Variants in CAMKMT observed in about 807,000 individuals in gnomAD.
CAMKMT encodes calmodulin-lysine N-methyltransferase, also known as CaM KMT.
A neutral mutation model predicts 48.0 loss-of-function variants in CAMKMT; 53 were observed. That is an observed-to-expected ratio of 1.10 (90% CI 0.89 to 1.39). The LOEUF is 1.39. CAMKMT is among the 40% of genes most tolerant of loss of function. CAMKMT has a pLI of 0.00. For missense variants in CAMKMT, 428 were observed against 402.7 expected (o/e 1.06, Z -0.54); for synonymous variants, 165 against 152.3 (o/e 1.08, Z -0.61).
intron 1 of CAMKMT, among the ~76,000 whole-genome samples, chr2:44,366,425 C>G (rs1363665590): frequency 6.6e-6 from 1 of 152,120 alleles, no homozygotes; most frequent in East Asian, 1.9e-4. Flanking sequence ...TTATTCTTGA[C>G]TTTGTTTTAT....
rs374751899 is a variant in CAMKMT, at chr2:44,538,780, T to TA, written c.376+148475_376+148476insA. 1.2e-4 allele frequency among the ~76,000 whole-genome samples: 9 copies of TA among 72,528 alleles called. No homozygotes were observed. In the South Asian group the frequency reaches 1.6e-3, roughly 13 times the overall value. The allele number at this position is 72,528 out of a possible 152,430, so 47.6% of individuals were successfully genotyped here. ...CCCCCAAAGCTATTCAAATAATCAT[T>TA]TAAAAAAAGTTTTTTAGCTTCAAAC... On this transcript the variant is annotated intron_variant, in intron 3 of 10. Transcript: ENST00000378494.
intron 3 of CAMKMT, among the ~76,000 whole-genome samples, chr2:44,397,525 C>T (rs1299886982): frequency 6.6e-6 from 1 of 152,156 alleles, no homozygotes; most frequent in Non-Finnish European, 1.5e-5. Context: ...GGCAATTTCC[C>T]TAGCCATGTG....
intron 3 of CAMKMT, among the ~76,000 whole-genome samples, chr2:44,584,784 G>T (rs1377333632): frequency 1.3e-5 from 2 of 152,156 alleles, no homozygotes; most frequent in African/African-American, 2.4e-5. Flanking sequence ...GCCGGGTGCG[G>T]TGGCTCACAC....
intron 2 of CAMKMT, among the ~76,000 whole-genome samples, chr2:44,386,886 A>T (rs1680828756): frequency 6.6e-6 from 1 of 152,058 alleles, no homozygotes; most frequent in Admixed American, 6.5e-5. Context: ...AGGGTGCTTG[A>T]TATAATTCCA....
chr2:44,731,019 GA>G (rs1293424476), intron 7 of CAMKMT, among the ~76,000 whole-genome samples: 8 of 152,262 alleles, frequency 5.3e-5, no homozygotes, highest in African/African-American at 1.9e-4. Flanking sequence ...AAATACACAA[GA>G]AACTACCTTT....
chr2:44,463,813 C>T (rs917372329), intron 3 of CAMKMT, among the ~76,000 whole-genome samples: 2 of 152,164 alleles, frequency 1.3e-5, no homozygotes, highest in African/African-American at 4.8e-5. Context: ...GATTGAGAGG[C>T]TGTCAGATTC....
At chr2:44,418,269 A>T (rs919142242) in intron 3 of CAMKMT, among the ~76,000 whole-genome samples, 5 of 151,038 alleles carry the variant, frequency 3.3e-5, no homozygotes, top group Admixed American at 2.6e-4. Flanking sequence ...ATGTACTAAG[A>T]GTATTTCCTC....
chr2:44,687,718 C>T (rs998296384), intron 3 of CAMKMT, among the ~76,000 whole-genome samples: 3 of 152,218 alleles, frequency 2.0e-5, no homozygotes, highest in East Asian at 1.9e-4. Context: ...TGGTTTTGAG[C>T]GAATAGCCCT....
intron 3 of CAMKMT, among the ~76,000 whole-genome samples, chr2:44,465,251 ACAGAAG>A (rs1668051034): frequency 6.6e-6 from 1 of 152,080 alleles, no homozygotes; most frequent in Non-Finnish European, 1.5e-5. Context: ...GAAAATACCT[ACAGAAG>A]CTGCACAAAA....
intron 3 of CAMKMT, among the ~76,000 whole-genome samples, chr2:44,600,962 A>G (rs182481918): frequency 6.6e-6 from 1 of 152,054 alleles, no homozygotes; most frequent in East Asian, 1.9e-4. Flanking sequence ...CTTCTTTGAT[A>G]TTGTCTTTTC....
chr2:44,674,796 T>C (rs1466142559), intron 3 of CAMKMT, among the ~76,000 whole-genome samples: 1 of 152,198 alleles, frequency 6.6e-6, no homozygotes, highest in Non-Finnish European at 1.5e-5. Flanking sequence ...AAAATGCTGA[T>C]AATTAAGAGT....
intron 3 of CAMKMT, among the ~76,000 whole-genome samples, chr2:44,442,211 C>T (rs1045150399): frequency 1.3e-5 from 2 of 152,262 alleles, no homozygotes; most frequent in African/African-American, 4.8e-5. Flanking sequence ...GTATGTATGA[C>T]TCAGTTCTTT....
At chr2:44,405,864 C>G (rs957021718) in intron 3 of CAMKMT, among the ~76,000 whole-genome samples, 1 of 152,134 alleles carries the variant, frequency 6.6e-6, no homozygotes, top group Admixed American at 6.5e-5. Flanking sequence ...AAACTTCTAA[C>G]AGAAATTGCT....
At chr2:44,406,948 G>C (rs1353083817) in intron 3 of CAMKMT, among the ~76,000 whole-genome samples, 1 of 152,250 alleles carries the variant, frequency 6.6e-6, no homozygotes, top group East Asian at 1.9e-4. Context: ...TATAATTTCT[G>C]TCTACTTAAC....
chr2:44,682,227 A>C (rs1269427979), intron 3 of CAMKMT, among the ~76,000 whole-genome samples: 2 of 152,226 alleles, frequency 1.3e-5, no homozygotes, highest in Non-Finnish European at 2.9e-5. Flanking sequence ...AATATTCAGT[A>C]ATCGTTTATG....
intron 3 of CAMKMT, among the ~76,000 whole-genome samples, chr2:44,633,194 G>A (rs1225571192): frequency 2.0e-5 from 3 of 152,050 alleles, no homozygotes; most frequent in African/African-American, 2.4e-5. Context: ...TTGGGGAGTG[G>A]TGATTATAAA....
intron 1 of CAMKMT, among the ~76,000 whole-genome samples, chr2:44,366,730 A>G (rs1197150545): frequency 6.6e-6 from 1 of 151,754 alleles, no homozygotes; most frequent in Non-Finnish European, 1.5e-5. Flanking sequence ...TATTATTATT[A>G]TTATTATTTG....
intron 3 of CAMKMT, among the ~76,000 whole-genome samples, chr2:44,635,941 A>C (rs1032564012): frequency 6.6e-6 from 1 of 152,348 alleles, no homozygotes; most frequent in African/African-American, 2.4e-5. Context: ...CAAACAATCC[A>C]ACTGGTTTCC....
intron 3 of CAMKMT, among the ~76,000 whole-genome samples, chr2:44,543,676 A>G (rs1667250532): frequency 6.6e-6 from 1 of 152,188 alleles, no homozygotes; most frequent in Non-Finnish European, 1.5e-5. Context: ...ATTTTTGAGA[A>G]TGCAAGGATT....
Sources: gnomAD v4.1 joint callset for allele counts (sites outside exome capture counted in the v4.1 genomes callset) on GRCh38, gnomAD v4.1.1 for gene constraint, MANE v1.5 for transcripts, NCBI Gene and HGNC (gene_info 2026-07-23, HGNC 2026-07-21) for gene names.